Variants in GRM7 observed in about 807,000 individuals in gnomAD.
GRM7 encodes glutamate metabotropic receptor 7.
Under a neutral mutation model 84.5 loss-of-function variants are expected in GRM7, and 35 were observed. The ratio of observed to expected loss-of-function variants is 0.41; its 90% CI spans 0.32 to 0.55. GRM7 has a LOEUF of 0.55. Among genes scored for constraint, GRM7 ranks in the 20% least tolerant of loss-of-function variants. The pLI, the probability that GRM7 is intolerant of heterozygous loss-of-function variation, is 0.19. For synonymous variants in GRM7, 487 were observed against 455.1 expected, an observed-to-expected ratio of 1.07 and a Z score of -0.89; for missense variants, 1,003 against 1,194.6, an observed-to-expected ratio of 0.84 and a Z score of 2.36.
rs372217216 is a variant in GRM7 at position 7,455,533 on chromosome 3, C to T, written c.1375+2726C>T. 4.6e-5 allele frequency among the ~76,000 whole-genome samples: 7 copies of T among 152,264 alleles called. No individual in the cohort carries two copies. The East Asian group carries it at 1.2e-3, about 25-fold the overall frequency. On this transcript the variant is annotated intron_variant, in intron 6 of 9. Transcript: ENST00000357716. Reference sequence around the variant, plus strand: ...TGATACACTGGCATGCTTACAGCATCGCTTCTGAGGTTTTACTGCCAAAAA... The same window carrying T: ...TGATACACTGGCATGCTTACAGCATTGCTTCTGAGGTTTTACTGCCAAAAA...
At chr3:7,462,050 T>TC (rs1326226596) in intron 7 of GRM7, among the ~76,000 whole-genome samples, 2 of 152,104 alleles carry the variant, frequency 1.3e-5, no homozygotes, top group Non-Finnish European at 2.9e-5. Flanking sequence ...TTCTTCTGCC[T>TC]CCCCCCATTC....
chr3:7,134,919 T>C (rs1693723612), intron 1 of GRM7, among the ~76,000 whole-genome samples: 1 of 151,692 alleles, frequency 6.6e-6, no homozygotes, highest in African/African-American at 2.4e-5. Flanking sequence ...ACATATGCTA[T>C]AACAAATATA....
chr3:6,863,048 C>T lies in GRM7; in HGVS notation c.519+1141C>T. The T allele has an allele frequency of 2.2e-6, 1 of 455,062 alleles. No individual in the cohort carries two copies. Among genetic ancestry groups the T allele is most frequent in the Non-Finnish European group, 4.4e-6 (1 of 226,278 alleles). 28.2% of individuals were successfully genotyped at this position (455,062 alleles called of 1,614,324 possible). On this transcript the variant is annotated intron_variant, in intron 1 of 9. Coordinates refer to ENST00000357716, the MANE Select transcript of GRM7 (RefSeq NM_000844.4). The surrounding 1 kb of genome is among the most constrained non-coding windows in gnomAD (Gnocchi z 4.8). ...GTTTGGAAATTGAGTTTCAGGGTCT[C>T]TGTGATTGTAGGTTCCCTCCTCTGT...
intron 9 of GRM7, among the ~76,000 whole-genome samples, chr3:7,737,993 G>T (rs185396573): frequency 6.6e-6 from 1 of 151,914 alleles, no homozygotes; most frequent in East Asian, 1.9e-4. Context: ...GATTACAGGC[G>T]CCCGCCACCA....
chr3:7,721,965 G>C (rs185931207), intron 9 of GRM7, among the ~76,000 whole-genome samples: 2 of 152,304 alleles, frequency 1.3e-5, no homozygotes, highest in East Asian at 3.9e-4. Context: ...ATGCGTGGAT[G>C]GAAGTGGAAA....
intron 8 of GRM7, among the ~76,000 whole-genome samples, chr3:7,599,824 G>A (rs1352741211): frequency 6.6e-6 from 1 of 152,058 alleles, no homozygotes; most frequent in Non-Finnish European, 1.5e-5. Context: ...AGCACAAAAT[G>A]GAACGCTTGG....
In GRM7 at chr3:6,861,497, A is replaced by G; in HGVS notation, c.109A>G (p.Met37Val). The change falls in exon 1 of 10, where the codon ATG becomes GTG. Residue 37 changes from methionine to valine, a missense_variant. Physicochemically the swap from Met to Val is conservative, Grantham distance 21. Transcript: ENST00000357716. The surrounding 1 kb of genome is among the most constrained non-coding windows in gnomAD (Gnocchi z 6.4). ...ALAAAARGQE[M>V]YAPHSIRIEG... Reference sequence around the variant, plus strand: ...GGCGGCGGCGGCGCGCGGCCAGGAGATGTACGCCCCGCACTCAATCCGGAT... The same window carrying G: ...GGCGGCGGCGGCGCGCGGCCAGGAGGTGTACGCCCCGCACTCAATCCGGAT... 6.3e-7 allele frequency: 1 copy of G among 1,579,684 alleles called. No individual in the cohort carries two copies. The highest frequency in any genetic ancestry group is 1.2e-5 in the South Asian group (1 of 85,890).
In GRM7 at chr3:7,305,348, T is replaced by TTCCTGCCTGGAAGAAAAAAAAGTAGAAC. The variant is rs201034007; in HGVS notation, c.879-1149_879-1148insCCTGCCTGGAAGAAAAAAAAGTAGAACT. On this transcript the variant is annotated intron_variant, in intron 3 of 9. Transcript: ENST00000357716. ...GCTGCTGCTTTTTTTTTTTTCTTTT[T>TTCCTGCCTGGAAGAAAAAAAAGTAGAAC]TTTTTTTTTTAATTATACTTTAAGT... is the stretch of plus-strand genomic sequence containing the variant. Among the ~76,000 whole-genome samples the TTCCTGCCTGGAAGAAAAAAAAGTAGAAC allele has an allele frequency of 3.1e-4, 32 of 101,950 alleles. 1 individual carries two copies. Among genetic ancestry groups the TTCCTGCCTGGAAGAAAAAAAAGTAGAAC allele is most frequent in the South Asian group, 6.5e-4 (2 of 3,054 alleles). 66.9% of individuals were successfully genotyped at this position (101,950 alleles called of 152,430 possible).
At chr3:7,699,743 G>A (rs182395563) in intron 9 of GRM7, among the ~76,000 whole-genome samples, 1 of 152,134 alleles carries the variant, frequency 6.6e-6, no homozygotes, top group African/African-American at 2.4e-5. Context: ...TGAATCTAGT[G>A]CAGTTCCAAG....
chr3:7,734,248 G>C (rs1014793709), intron 9 of GRM7, among the ~76,000 whole-genome samples: 13 of 69,304 alleles, frequency 1.9e-4, no homozygotes, highest in South Asian at 4.8e-4. Flanking sequence ...TGGCAGGGGC[G>C]GGGGGGGGGT....
rs1697057699 is a variant in GRM7 at position 6,919,630 on chromosome 3, A to ATTTTCT, written c.519+57724_519+57725insTTTCTT. Among the ~76,000 whole-genome samples, 6 of 151,798 alleles carry ATTTTCT rather than the reference A, an allele frequency of 4.0e-5. No homozygotes were observed. In the South Asian group the frequency reaches 6.2e-4, roughly 16 times the overall value. The stretch of plus-strand genomic sequence containing the variant: ...TTCCTCTGCAGCCAGGCAAAACAGA[A>ATTTTCT]TCTGAAGAAAACACTTTAAAATTTT... On this transcript the variant is annotated intron_variant, in intron 1 of 9. Coordinates refer to ENST00000357716, the MANE Select transcript of GRM7 (RefSeq NM_000844.4).
At chr3:7,311,099 A>G (rs910674126) in intron 4 of GRM7, among the ~76,000 whole-genome samples, 1 of 152,206 alleles carries the variant, frequency 6.6e-6, no homozygotes, top group African/African-American at 2.4e-5. Flanking sequence ...TATATCCTTT[A>G]TGAACAAGTT....
intron 1 of GRM7, among the ~76,000 whole-genome samples, chr3:7,022,930 C>T (rs1012906133): frequency 6.6e-6 from 1 of 152,036 alleles, no homozygotes; most frequent in Non-Finnish European, 1.5e-5. Flanking sequence ...ATCCAATAAC[C>T]CAGTGTATTA....
intron 8 of GRM7, among the ~76,000 whole-genome samples, chr3:7,581,996 G>A (rs920151231): frequency 1.3e-5 from 2 of 152,126 alleles, no homozygotes; most frequent in Non-Finnish European, 2.9e-5. Flanking sequence ...CATGTGGCCA[G>A]GGATGGAAGT....
chr3:7,468,639 A>T (rs1444518484), intron 7 of GRM7, among the ~76,000 whole-genome samples: 2 of 152,182 alleles, frequency 1.3e-5, no homozygotes, highest in Non-Finnish European at 2.9e-5. Flanking sequence ...CTCATCTTAA[A>T]TTATAATCCC....
At chr3:7,677,261 TTA>T (rs1559481553) in intron 8 of GRM7, among the ~76,000 whole-genome samples, 16 of 103,378 alleles carry the variant, frequency 1.5e-4, no homozygotes, top group South Asian at 6.3e-4. Flanking sequence ...GACTCTGTCT[TTA>T]AAAAAAAAAA....
chr3:7,297,728 C>T (rs889260162), intron 2 of GRM7, among the ~76,000 whole-genome samples: 18 of 152,200 alleles, frequency 1.2e-4, no homozygotes, highest in Admixed American at 4.6e-4. Flanking sequence ...AAACACATTA[C>T]ACATTAGAGT....
At chr3:7,503,375 A>C (rs1315174055) in intron 7 of GRM7, among the ~76,000 whole-genome samples, 2 of 151,336 alleles carry the variant, frequency 1.3e-5, no homozygotes, top group Non-Finnish European at 3.0e-5. Flanking sequence ...AAGAGAATAA[A>C]ATGTGCACGC....
chr3:7,603,118 T>G (rs986850265), intron 8 of GRM7, among the ~76,000 whole-genome samples: 1 of 152,162 alleles, frequency 6.6e-6, no homozygotes, highest in African/African-American at 2.4e-5. Context: ...CCACCACCAT[T>G]GAATATTGCA....
Sources: gnomAD v4.1 joint callset for allele counts (sites outside exome capture counted in the v4.1 genomes callset) on GRCh38, gnomAD v4.1.1 for gene constraint, Gnocchi (gnomAD v3.1) non-coding constraint, MANE v1.5 for transcripts, NCBI Gene and HGNC (gene_info 2026-07-23, HGNC 2026-07-21) for gene names.